The following PTPRG variants were observed in gnomAD, a reference collection of about 807,000 sequenced individuals.
PTPRG encodes the protein protein tyrosine phosphatase receptor type G.
In PTPRG, 102 loss-of-function variants were observed where a neutral mutation model predicts 165.3. The ratio of observed to expected loss-of-function variants is 0.62; its 90% CI spans 0.53 to 0.73. PTPRG has a LOEUF of 0.73. Among genes scored for constraint, PTPRG ranks in the 30% least tolerant of loss-of-function variants. The pLI, the probability that PTPRG is intolerant of heterozygous loss-of-function variation, is 0.00. For missense variants in PTPRG, 1,866 were observed against 1,861.4 expected (o/e 1.00, Z -0.05); for synonymous variants, 675 against 669.5 (o/e 1.01, Z -0.13).
At chr3:61,754,396 C>T (rs1436269758) in intron 2 of PTPRG, among the ~76,000 whole-genome samples, 1 of 151,910 alleles carries the variant, frequency 6.6e-6, no homozygotes, top group African/African-American at 2.4e-5. Flanking sequence ...TATGCCACCT[C>T]ACTACACTGT....
chr3:61,890,562 TATA>T (rs1394883705), intron 2 of PTPRG, among the ~76,000 whole-genome samples: 1 of 152,096 alleles, frequency 6.6e-6, no homozygotes, highest in Admixed American at 6.5e-5. Flanking sequence ...CAGCTATTTT[TATA>T]ATAATGTTAA....
At chr3:61,569,572 A>G (rs111617047) in intron 1 of PTPRG, among the ~76,000 whole-genome samples, 6 of 152,186 alleles carry the variant, frequency 3.9e-5, no homozygotes, top group South Asian at 2.1e-4. Context: ...TCCTACCTCA[A>G]CTTCCCAAAG....
intron 12 of PTPRG, 47 bp from the exon 13 acceptor site, chr3:62,218,804 A>G (rs764971100): frequency 1.9e-6 from 3 of 1,577,560 alleles, no homozygotes; most frequent in Non-Finnish European, 8.6e-7. Flanking sequence ...TCTGGCTCCC[A>G]CCTCCACTAA....
At chr3:61,711,736 T>A (rs2031566223) in intron 1 of PTPRG, among the ~76,000 whole-genome samples, 1 of 152,140 alleles carries the variant, frequency 6.6e-6, no homozygotes, top group Non-Finnish European at 1.5e-5. Flanking sequence ...TTAAACAAAT[T>A]TACAAGTTTT....
At chr3:62,086,857 G>T (rs1701768707) in intron 5 of PTPRG, among the ~76,000 whole-genome samples, 4 of 144,078 alleles carry the variant, frequency 2.8e-5, no homozygotes, top group African/African-American at 1.1e-4. Flanking sequence ...TAGCCTATCA[G>T]GTGTTTTCAG....
intron 2 of PTPRG, among the ~76,000 whole-genome samples, chr3:61,800,167 T>C (rs2035189153): frequency 6.6e-6 from 1 of 152,164 alleles, no homozygotes; most frequent in Non-Finnish European, 1.5e-5. Context: ...ATCAGCTCGT[T>C]GTGGGGTGGG....
chr3:62,029,464 A>G (rs1393489380), intron 4 of PTPRG, among the ~76,000 whole-genome samples: 1 of 152,226 alleles, frequency 6.6e-6, no homozygotes, highest in Non-Finnish European at 1.5e-5. Context: ...TAAAAACGCT[A>G]AAACACTAGA....
Position 62,046,420 on chromosome 3 carries a change from T to C in PTPRG, c.520-31743T>C, listed in dbSNP as rs570428448. Reference sequence around the variant, plus strand: ...CTTTAGAGAGGTCAATAGCAGTATATAATGGAGGAATAACAAGTACCTTAT... The same window carrying C: ...CTTTAGAGAGGTCAATAGCAGTATACAATGGAGGAATAACAAGTACCTTAT... On this transcript the variant is annotated intron_variant, in intron 4 of 29. Transcript: ENST00000474889. Among the ~76,000 whole-genome samples, 12 of 152,270 alleles carry C rather than the reference T, an allele frequency of 7.9e-5. No homozygotes were observed. The South Asian group carries it at 2.3e-3, about 29-fold the overall frequency.
At chr3:62,099,891 C>A (rs1228033939) in intron 5 of PTPRG, among the ~76,000 whole-genome samples, 1 of 150,230 alleles carries the variant, frequency 6.7e-6, no homozygotes, top group African/African-American at 2.5e-5. Context: ...CTCCGCCTCC[C>A]AGGTTCAAGC....
chr3:62,052,918 C>A (rs147403232), intron 4 of PTPRG, among the ~76,000 whole-genome samples: 1 of 152,288 alleles, frequency 6.6e-6, no homozygotes, highest in African/African-American at 2.4e-5. Context: ...TTGTCAGATA[C>A]ATATGCATAT....
chr3:62,064,152 T>G (rs1478667901), intron 4 of PTPRG, among the ~76,000 whole-genome samples: 1 of 152,078 alleles, frequency 6.6e-6, no homozygotes, highest in Non-Finnish European at 1.5e-5. Flanking sequence ...ATGAGCTACA[T>G]TTTTAGAGCC....
intron 2 of PTPRG, among the ~76,000 whole-genome samples, chr3:61,945,281 C>G (rs1575811406): frequency 1.3e-5 from 2 of 152,018 alleles, no homozygotes; most frequent in Non-Finnish European, 2.9e-5. Context: ...AACTTGAGGC[C>G]AGGTGCTATG....
chr3:62,185,567 G>A (rs148282454), intron 8 of PTPRG, among the ~76,000 whole-genome samples: 4 of 152,256 alleles, frequency 2.6e-5, no homozygotes, highest in Admixed American at 6.5e-5. Flanking sequence ...CAGAGGCAAC[G>A]GGGAGTGGTG....
chr3:61,670,658 G>A (rs1702949189), intron 1 of PTPRG, among the ~76,000 whole-genome samples: 1 of 152,156 alleles, frequency 6.6e-6, no homozygotes, highest in African/African-American at 2.4e-5. Context: ...ACCAGCTATG[G>A]GAGGCAGAGT....
intron 5 of PTPRG, among the ~76,000 whole-genome samples, chr3:62,086,253 A>C (rs1341370972): frequency 6.6e-6 from 1 of 150,994 alleles, no homozygotes; most frequent in East Asian, 1.9e-4. Flanking sequence ...ATGAAGAATA[A>C]ATTTTCTATC....
At chr3:61,792,373 G>A (rs551634358) in intron 2 of PTPRG, among the ~76,000 whole-genome samples, 8 of 151,896 alleles carry the variant, frequency 5.3e-5, no homozygotes, top group African/African-American at 1.7e-4. Flanking sequence ...GCAGGTGTGC[G>A]CCACCATGCC....
chr3:61,752,788 A>AAG (rs2033485117), intron 2 of PTPRG, among the ~76,000 whole-genome samples: 1 of 100,698 alleles, frequency 9.9e-6, no homozygotes, highest in Non-Finnish European at 2.2e-5. Flanking sequence ...ACTGTCTCAA[A>AAG]AAAAAAAAAA....
At chr3:62,078,915 C>T (rs1701480431) in intron 5 of PTPRG, among the ~76,000 whole-genome samples, 1 of 152,066 alleles carries the variant, frequency 6.6e-6, no homozygotes, top group African/African-American at 2.4e-5. Flanking sequence ...GTGCCTTGAC[C>T]AACTTGCCTG....
intron 1 of PTPRG, among the ~76,000 whole-genome samples, chr3:61,702,527 GT>G (rs1336350096): frequency 1.3e-5 from 2 of 152,172 alleles, no homozygotes; most frequent in African/African-American, 4.8e-5. Context: ...ATACACACGT[GT>G]ACACACACAC....
Sources: allele counts gnomAD v4.1 joint callset (sites outside exome capture counted in the v4.1 genomes callset), GRCh38; gene constraint gnomAD v4.1.1; transcripts MANE v1.5; gene names NCBI Gene and HGNC (gene_info 2026-07-23, HGNC 2026-07-21).